The following TTC3 variants were observed in gnomAD, a reference collection of about 807,000 sequenced individuals.
The protein encoded by TTC3 is tetratricopeptide repeat domain 3, also known as E3 ubiquitin-protein ligase TTC3.
A neutral mutation model predicts 249.6 loss-of-function variants in TTC3; 180 were observed. The ratio of observed to expected loss-of-function variants is 0.72; its 90% CI spans 0.64 to 0.82. The LOEUF (loss-of-function observed/expected upper bound fraction) is 0.82. Ranked by LOEUF, TTC3 falls within the 40% of genes least tolerant of loss-of-function variation. The pLI is 0.00. For missense variants in TTC3, 2,061 were observed against 2,398.4 expected (o/e 0.86, Z 2.94); for synonymous variants, 717 against 805.0 (o/e 0.89, Z 1.85).
At chr21:37,150,525 C>T (rs2079367174) in intron 24 of TTC3, among the ~76,000 whole-genome samples, 1 of 151,774 alleles carries the variant, frequency 6.6e-6, no homozygotes, top group Non-Finnish European at 1.5e-5. Flanking sequence ...CCTTTAACTT[C>T]ATGACATGGG....
At chr21:37,089,270 G>A (rs919875225) in intron 5 of TTC3, among the ~76,000 whole-genome samples, 1 of 152,138 alleles carries the variant, frequency 6.6e-6, no homozygotes, top group Admixed American at 6.5e-5. Context: ...CTTTATCAGG[G>A]CAGATTTGAG....
At chr21:37,150,775 A>G in intron 24 of TTC3, 45 bp from the exon 25 acceptor site, 1 of 1,318,424 alleles carries the variant, frequency 7.6e-7, no homozygotes, top group Non-Finnish European at 1.1e-6. Flanking sequence ...GTTTTATGTC[A>G]TGGGAGTATG....
intron 32 of TTC3, 61 bp downstream of exon 32, chr21:37,164,276 G>T: frequency 1.4e-6 from 2 of 1,385,358 alleles, no homozygotes; most frequent in South Asian, 1.6e-5. Flanking sequence ...TTAAAGATCA[G>T]AAGTTGTTTA....
At chr21:37,114,113 G>A (rs373583253) in intron 11 of TTC3, among the ~76,000 whole-genome samples, 15 of 152,052 alleles carry the variant, frequency 9.9e-5, no homozygotes, top group African/African-American at 1.9e-4. Context: ...AATACCATTC[G>A]GGACATAGGC....
At chr21:37,089,716 G>A (rs2072993024) in intron 5 of TTC3, among the ~76,000 whole-genome samples, 1 of 152,084 alleles carries the variant, frequency 6.6e-6, no homozygotes, top group Non-Finnish European at 1.5e-5. Context: ...GTTTCACCAT[G>A]TTGGCCAGGC....
intron 21 of TTC3, 76 bp from the exon 22 acceptor site, chr21:37,147,405 A>G: frequency 7.5e-7 from 1 of 1,336,128 alleles, no homozygotes; most frequent in Non-Finnish European, 1.0e-6. Context: ...TGATGGCAAG[A>G]GGTTATTGAA....
Position 37,172,827 on chromosome 21 carries a change from C to G in TTC3, c.4617+83C>G, listed in dbSNP as rs1199154837. 6.7e-6 allele frequency: 10 copies of G among 1,492,698 alleles called. No homozygotes were observed. In the East Asian group the frequency reaches 2.4e-4, roughly 35 times the overall value. 92.5% of individuals were successfully genotyped at this position (1,492,698 alleles called of 1,614,324 possible). A position where few individuals can be genotyped will look rare whatever the true frequency, so the allele number is the denominator to read the frequency against. On this transcript the variant is annotated intron_variant, in intron 35 of 45. Transcript: ENST00000355666. ...TGTAGCTGTGCTTGTGCGGCCTCAG[C>G]TGAACTTCTGCATTGGTGGCTAAAC... is the stretch of plus-strand genomic sequence containing the variant.
At chr21:37,079,247 C>G (rs2071286788) in intron 1 of TTC3, among the ~76,000 whole-genome samples, 1 of 152,058 alleles carries the variant, frequency 6.6e-6, no homozygotes, top group South Asian at 2.1e-4. Context: ...TCTTATCTGA[C>G]TTGGGTATTA....
At chr21:37,192,389 AAAT>A (rs2148211366) in intron 41 of TTC3, among the ~76,000 whole-genome samples, 176 bp downstream of exon 41, 1 of 152,266 alleles carries the variant, frequency 6.6e-6, no homozygotes, top group South Asian at 2.1e-4. Flanking sequence ...TTCTTATATA[AAAT>A]AGATCAGTCT....
rs546373670 is a variant in TTC3, at chr21:37,161,918, T to C, written c.3097-72T>C. 233 of 943,076 alleles carry C rather than the reference T, an allele frequency of 2.5e-4. 3 individuals carry two copies. The South Asian group carries it at 4.0e-3, about 16-fold the overall frequency. The allele number at this position is 943,076 out of a possible 1,614,324, so 58.4% of individuals were successfully genotyped here. Reference sequence around the variant, plus strand: ...GTGTGTTTATATAAGTATTCATCAATTTTAATGATTTTTCTCTTTAATGGA... The same window carrying C: ...GTGTGTTTATATAAGTATTCATCAACTTTAATGATTTTTCTCTTTAATGGA... On this transcript the variant is annotated intron_variant, in intron 30 of 45. Coordinates refer to ENST00000355666, the Ensembl canonical transcript of TTC3.
At chr21:37,147,677 T>C (rs1166354412) in intron 22 of TTC3, 74 bp downstream of exon 22, 1 of 1,521,056 alleles carries the variant, frequency 6.6e-7, no homozygotes, top group South Asian at 1.3e-5. Context: ...CAATCTGTAA[T>C]TGGAGGCACC....
chr21:37,154,833 C>T (rs1315329814), intron 27 of TTC3, among the ~76,000 whole-genome samples: 2 of 152,102 alleles, frequency 1.3e-5, no homozygotes, highest in African/African-American at 2.4e-5. Context: ...GCAGCTGGTA[C>T]TACAGGTGCC....
At chr21:37,079,517 GTTTTTTTTTTT>G (rs60361476) in intron 1 of TTC3, among the ~76,000 whole-genome samples, 11 of 91,180 alleles carry the variant, frequency 1.2e-4, no homozygotes, top group African/African-American at 5.3e-4. Flanking sequence ...TTATGGTATG[GTTTTTTTTTTT>G]TTTTTTTTTT....
chr21:37,186,109 C>T (rs2083245270), intron 37 of TTC3: 1 of 155,636 alleles, frequency 6.4e-6, no homozygotes, highest in South Asian at 2.0e-4. Context: ...GAATATTCGT[C>T]TCCACTGTAG....
chr21:37,140,738 T>C (rs1034085632), intron 20 of TTC3, 65 bp downstream of exon 20: 2 of 1,111,002 alleles, frequency 1.8e-6, no homozygotes, highest in African/African-American at 1.6e-5. Flanking sequence ...AATGTGATAA[T>C]GATCCATTTT....
chr21:37,146,077 T>TA (rs2147987240), intron 21 of TTC3, among the ~76,000 whole-genome samples: 2 of 152,366 alleles, frequency 1.3e-5, no homozygotes, highest in African/African-American at 4.8e-5. Flanking sequence ...TGAATGTTCA[T>TA]AGCAGCATTA....
chr21:37,159,067 T>C (rs1271228249), intron 28 of TTC3, among the ~76,000 whole-genome samples: 1 of 152,196 alleles, frequency 6.6e-6, no homozygotes, highest in African/African-American at 2.4e-5. Flanking sequence ...CAGATTAAGT[T>C]CACATCATCT....
chr21:37,111,532 C>T (rs2075662203), intron 11 of TTC3, among the ~76,000 whole-genome samples: 1 of 152,144 alleles, frequency 6.6e-6, no homozygotes, highest in Non-Finnish European at 1.5e-5. Context: ...AATACAGGAG[C>T]ACCCAGATTC....
intron 25 of TTC3, 53 bp downstream of exon 25, chr21:37,150,937 T>G: frequency 7.8e-7 from 1 of 1,285,954 alleles, no homozygotes; most frequent in South Asian, 1.3e-5. Context: ...TAGAATATAA[T>G]TCTATTAAAT....
Sources: gnomAD v4.1 joint callset for allele counts (sites outside exome capture counted in the v4.1 genomes callset) on GRCh38, gnomAD v4.1.1 for gene constraint, MANE v1.5 for transcripts, NCBI Gene and HGNC (gene_info 2026-07-23, HGNC 2026-07-21) for gene names.